Variants in RALGAPA2 observed in about 807,000 individuals in gnomAD.
The protein encoded by RALGAPA2 is ral GTPase-activating protein subunit alpha-2.
In RALGAPA2, 139 loss-of-function variants were observed where a neutral mutation model predicts 230.4. The observed-to-expected ratio is 0.60, with a 90% CI of 0.53 to 0.69. The LOEUF (loss-of-function observed/expected upper bound fraction) is 0.69. Among genes scored for constraint, RALGAPA2 ranks in the 30% least tolerant of loss-of-function variants. RALGAPA2 has a pLI of 0.00. For synonymous variants in RALGAPA2, 847 were observed against 837.8 expected, an observed-to-expected ratio of 1.01 and a Z score of -0.19; for missense variants, 2,163 against 2,276.0, an observed-to-expected ratio of 0.95 and a Z score of 1.01.
chr20:20,411,268 TG>T (rs2060054244), intron 38 of RALGAPA2, among the ~76,000 whole-genome samples: 2 of 152,178 alleles, frequency 1.3e-5, no homozygotes, highest in African/African-American at 4.8e-5. Flanking sequence ...TGTAATTATA[TG>T]CAGAAATTTA....
chr20:20,553,556 A>C (rs118187016), intron 23 of RALGAPA2, among the ~76,000 whole-genome samples: 7,797 of 152,160 alleles, frequency 0.051, 256 homozygotes, highest in African/African-American at 0.089. Context: ...TATCTTAAAA[A>C]AAAACAAAAC....
chr20:20,520,744 CAG>C (rs1189774956), intron 31 of RALGAPA2, among the ~76,000 whole-genome samples, 171 bp downstream of exon 31: 1 of 151,750 alleles, frequency 6.6e-6, no homozygotes. Flanking sequence ...AATGGGAAAA[CAG>C]AGGAGAAAAA....
chr20:20,507,488 G>A (rs1339622183), intron 33 of RALGAPA2, among the ~76,000 whole-genome samples: 1 of 152,090 alleles, frequency 6.6e-6, no homozygotes, highest in Non-Finnish European at 1.5e-5. Context: ...GACTACAGGT[G>A]CATGCTACCA....
intron 3 of RALGAPA2, among the ~76,000 whole-genome samples, chr20:20,654,129 G>A (rs994952909): frequency 1.3e-5 from 2 of 152,184 alleles, no homozygotes; most frequent in African/African-American, 4.8e-5. Context: ...TTATAGTTAA[G>A]AATATCCCCA....
chr20:20,521,210 C>A (rs1181995002), intron 30 of RALGAPA2, 110 bp from the exon 31 acceptor site: 6 of 881,600 alleles, frequency 6.8e-6, no homozygotes, highest in Non-Finnish European at 1.0e-5. Context: ...TTGGTCCTAG[C>A]TGGAAATGGA....
intron 37 of RALGAPA2, among the ~76,000 whole-genome samples, chr20:20,415,983 A>C (rs140235078): frequency 0.011 from 1,729 of 152,266 alleles, 15 homozygotes; most frequent in South Asian, 0.05. Context: ...GGTGGAAGGA[A>C]GGCAGGGTTT....
At chr20:20,501,907 C>T (rs567917707) in intron 35 of RALGAPA2, among the ~76,000 whole-genome samples, 2 of 152,194 alleles carry the variant, frequency 1.3e-5, no homozygotes, top group East Asian at 1.9e-4. Flanking sequence ...CATAGGGGAA[C>T]GGCCGGTGGG....
intron 36 of RALGAPA2, among the ~76,000 whole-genome samples, chr20:20,474,027 A>G (rs1169050138): frequency 6.6e-6 from 1 of 152,230 alleles, no homozygotes; most frequent in African/African-American, 2.4e-5. Context: ...AAACATATAA[A>G]ATATATGACA....
In RALGAPA2 at chr20:20,616,074, T is replaced by A; in HGVS notation, c.1657A>T (p.Ile553Leu). 1 of 1,548,248 alleles carries A rather than the reference T, an allele frequency of 6.5e-7. No individual in the cohort carries two copies. The highest frequency in any genetic ancestry group is 2.4e-5 in the East Asian group (1 of 42,010). The change falls in exon 13 of 40, where the codon ATA becomes TTA. Residue 553 changes from isoleucine (I) to leucine (L), a missense_variant. Transcript: ENST00000202677. ...KAVLIIFRRM[I>L]MELTMNKKTW... is the part of the protein sequence containing the mutation. ...TTTTTATTCATTGTAAGCTCCATTA[T>A]CATGCGCCTAAAAATAATCAAAACA...
intron 18 of RALGAPA2, among the ~76,000 whole-genome samples, chr20:20,589,052 T>C (rs1259523898): frequency 6.6e-6 from 1 of 152,168 alleles, no homozygotes; most frequent in Non-Finnish European, 1.5e-5. Context: ...GTGAACTCCA[T>C]TTTCATGTTA....
intron 4 of RALGAPA2, among the ~76,000 whole-genome samples, chr20:20,647,743 T>C (rs1037714269): frequency 1.3e-5 from 2 of 151,978 alleles, no homozygotes; most frequent in Non-Finnish European, 2.9e-5. Context: ...GGCAATAGAT[T>C]TGAACTTCAC....
intron 35 of RALGAPA2, among the ~76,000 whole-genome samples, chr20:20,496,924 C>A (rs1484117425): frequency 4.6e-5 from 7 of 152,196 alleles, no homozygotes; most frequent in Non-Finnish European, 8.8e-5. Context: ...CTGAAGGGTG[C>A]ACGATTCAAC....
intron 1 of RALGAPA2, among the ~76,000 whole-genome samples, chr20:20,687,950 C>T (rs548453724): frequency 3.3e-5 from 5 of 152,276 alleles, no homozygotes; most frequent in African/African-American, 4.8e-5. Flanking sequence ...AATTCCTTTT[C>T]CTGACACCAG....
rs549500738 is a variant in RALGAPA2 at position 20,407,096 on chromosome 20, C to T, written c.5617+4931G>A. Among the ~76,000 whole-genome samples, 8 of 152,178 alleles carry T rather than the reference C, an allele frequency of 5.3e-5. No individual in the cohort carries two copies. In the East Asian group the frequency reaches 1.2e-3, roughly 22 times the overall value. On this transcript the variant is annotated intron_variant, in intron 38 of 39. Coordinates refer to ENST00000202677, the MANE Select transcript of RALGAPA2 (RefSeq NM_020343.4). ...CTGATTCCAACTTGCCCATGACCTT[C>T]GGTGGTCCCTTCCTGGGTTGGTCTT... is the stretch of plus-strand genomic sequence containing the variant.
At chr20:20,649,315 G>C (rs1482201646) in intron 4 of RALGAPA2, among the ~76,000 whole-genome samples, 1 of 152,210 alleles carries the variant, frequency 6.6e-6, no homozygotes, top group East Asian at 1.9e-4. Context: ...CCAAGGAAAA[G>C]TTAGGACCCA....
chr20:20,469,292 TGA>T (rs1451449095), intron 37 of RALGAPA2, among the ~76,000 whole-genome samples: 1 of 152,122 alleles, frequency 6.6e-6, no homozygotes, highest in African/African-American at 2.4e-5. Context: ...AAGATCCCAC[TGA>T]ACAAGAAAGA....
intron 23 of RALGAPA2, among the ~76,000 whole-genome samples, chr20:20,564,347 C>T (rs2064348482): frequency 6.6e-6 from 1 of 152,150 alleles, no homozygotes; most frequent in Non-Finnish European, 1.5e-5. Flanking sequence ...CTGCTAAATC[C>T]CCTCTCCTTT....
At chr20:20,625,892 C>T (rs1375748869) in intron 10 of RALGAPA2, among the ~76,000 whole-genome samples, 3 of 152,182 alleles carry the variant, frequency 2.0e-5, no homozygotes, top group Admixed American at 6.5e-5. Flanking sequence ...GAGCCTTGTC[C>T]TACTTCAGTT....
intron 14 of RALGAPA2, among the ~76,000 whole-genome samples, chr20:20,610,394 A>C (rs1215815127): frequency 6.6e-6 from 1 of 152,180 alleles, no homozygotes. Context: ...GCAGCTCACC[A>C]GGTATCAGCC....
Sources: allele counts gnomAD v4.1 joint callset (sites outside exome capture counted in the v4.1 genomes callset), GRCh38; gene constraint gnomAD v4.1.1; transcripts MANE v1.5; gene names NCBI Gene and HGNC (gene_info 2026-07-23, HGNC 2026-07-21).